Variants in WDR59 observed in about 807,000 individuals in gnomAD.
The protein encoded by WDR59 is WD repeat domain 59.
In WDR59, 100 loss-of-function variants were observed where a neutral mutation model predicts 131.2. The ratio of observed to expected loss-of-function variants is 0.76; its 90% confidence interval spans 0.65 to 0.90. WDR59 has a LOEUF of 0.90. Among genes scored for constraint, WDR59 ranks in the 40% least tolerant of loss-of-function variants. The pLI is 0.00. For synonymous variants in WDR59, 601 were observed against 466.2 expected (o/e 1.29, Z -3.72); for missense variants, 1,203 against 1,262.2 (o/e 0.95, Z 0.71).
chr16:74,922,345 T>C (rs2030327548), intron 9 of WDR59, among the ~76,000 whole-genome samples: 1 of 152,170 alleles, frequency 6.6e-6, no homozygotes, highest in African/African-American at 2.4e-5. Context: ...TGAAGAACTT[T>C]GAAAATTCTA....
intron 2 of WDR59, among the ~76,000 whole-genome samples, chr16:74,958,591 T>TAAAAAAAAAAAAAA (rs2033407316): frequency 9.3e-4 from 1 of 1,078 alleles, no homozygotes; most frequent in African/African-American, 1.5e-3. Flanking sequence ...AGACTCCATC[T>TAAAAAAAAAAAAAA]CAAAAAAAAA....
At chr16:74,973,865 G>A (rs570324580) in intron 1 of WDR59, among the ~76,000 whole-genome samples, 4 of 151,808 alleles carry the variant, frequency 2.6e-5, no homozygotes, top group Admixed American at 1.3e-4. Flanking sequence ...GTGATACCCT[G>A]TCTCTACTAA....
chr16:74,898,679 G>A (rs1324060350), intron 18 of WDR59, among the ~76,000 whole-genome samples: 1 of 152,126 alleles, frequency 6.6e-6, no homozygotes, highest in Non-Finnish European at 1.5e-5. Context: ...CCAATAAATG[G>A]GTTGAATGTA....
At chr16:74,966,754 C>T (rs1251407649) in intron 1 of WDR59, among the ~76,000 whole-genome samples, 2 of 152,318 alleles carry the variant, frequency 1.3e-5, no homozygotes, top group East Asian at 3.9e-4. Flanking sequence ...CCCCAGGTCA[C>T]ATTCGCTCTG....
intron 10 of WDR59, among the ~76,000 whole-genome samples, chr16:74,919,491 C>T (rs566096817): frequency 7.3e-6 from 1 of 137,734 alleles, no homozygotes; most frequent in East Asian, 2.1e-4. Flanking sequence ...TGCCACCACA[C>T]CTGGCTAATT....
chr16:74,915,918 C>T lies in WDR59; in HGVS notation c.1176G>A (p.Gln392=), dbSNP rs773071843. The change falls in exon 13 of 26, where the codon CAG becomes CAA. Residue 392 remains glutamine, a synonymous_variant. Coordinates refer to ENST00000262144, the MANE Select transcript of WDR59 (RefSeq NM_030581.4). ...SDQLGLPQTL[Q]QEFSLINVQI... is the part of the protein sequence containing the mutation. ...GCACATTGATCAGGGAGAATTCCTG[C>T]TGCAAGGTCTGAGGCAGCCCCAGTT... The T allele has an allele frequency of 1.9e-6, 3 of 1,614,240 alleles. No individual in the cohort carries two copies. The East Asian group carries it at 6.7e-5, about 36-fold the overall frequency.
At chr16:74,978,737 G>C (rs2034286692) in intron 1 of WDR59, among the ~76,000 whole-genome samples, 2 of 151,886 alleles carry the variant, frequency 1.3e-5, no homozygotes, top group Admixed American at 1.3e-4. Context: ...AATTATACCT[G>C]CATAAACCTG....
intron 7 of WDR59, among the ~76,000 whole-genome samples, chr16:74,938,605 C>G (rs1239707780): frequency 6.6e-6 from 1 of 152,140 alleles, no homozygotes; most frequent in Non-Finnish European, 1.5e-5. Flanking sequence ...GGCACGATCA[C>G]AGCTCACTGC....
intron 6 of WDR59, among the ~76,000 whole-genome samples, chr16:74,947,730 A>G (rs767995096): frequency 6.6e-6 from 1 of 152,146 alleles, no homozygotes; most frequent in Non-Finnish European, 1.5e-5. Context: ...TGCAAAACAT[A>G]CACTGAAATA....
At chr16:74,913,894 C>T (rs982882466) in intron 13 of WDR59, among the ~76,000 whole-genome samples, 5 of 152,076 alleles carry the variant, frequency 3.3e-5, no homozygotes, top group African/African-American at 1.2e-4. Flanking sequence ...CCCACAACAG[C>T]CAGATTATAT....
intron 8 of WDR59, among the ~76,000 whole-genome samples, chr16:74,934,914 G>C (rs568125250): frequency 6.6e-6 from 1 of 152,134 alleles, no homozygotes; most frequent in East Asian, 1.9e-4. Flanking sequence ...CAGACTCAAA[G>C]CTACATGTTT....
chr16:74,873,280 A>T lies in WDR59; in HGVS notation c.*929T>A, dbSNP rs1340877641. 6.6e-6 allele frequency: 1 copy of T among 152,214 alleles called. No individual in the cohort carries two copies. The highest frequency in any genetic ancestry group is 2.4e-5 in the African/African-American group (1 of 41,420). The allele number at this position is 152,214 out of a possible 1,614,324, so 9.4% of individuals were successfully genotyped here. A position where few individuals can be genotyped will look rare whatever the true frequency, so the allele number is the denominator to read the frequency against. Reference sequence around the variant, plus strand: ...AGGCTGGTCTCGAACTCCTGAGCTCAGGTGATCCCCTCACTTTTGCCTTCT... The same window carrying T: ...AGGCTGGTCTCGAACTCCTGAGCTCTGGTGATCCCCTCACTTTTGCCTTCT... On this transcript the variant is annotated 3_prime_UTR_variant, in exon 26 of 26. Coordinates refer to ENST00000262144, the MANE Select transcript of WDR59 (RefSeq NM_030581.4).
intron 25 of WDR59, among the ~76,000 whole-genome samples, chr16:74,875,605 G>A (rs1964176711): frequency 6.6e-6 from 1 of 152,104 alleles, no homozygotes; most frequent in African/African-American, 2.4e-5. Context: ...TCAGGTCTTT[G>A]CCCTCATCCC....
intron 13 of WDR59, among the ~76,000 whole-genome samples, 197 bp from the exon 14 acceptor site, chr16:74,912,559 C>T (rs994716838): frequency 6.6e-6 from 1 of 152,142 alleles, no homozygotes; most frequent in African/African-American, 2.4e-5. Flanking sequence ...AATTTTCAAA[C>T]CAATGGAATA....
At chr16:74,877,154 G>T (rs186434129) in intron 25 of WDR59, among the ~76,000 whole-genome samples, 1 of 152,054 alleles carries the variant, frequency 6.6e-6, no homozygotes, top group Non-Finnish European at 1.5e-5. Flanking sequence ...CGCGGTGAGG[G>T]TATTGTCTTA....
intron 17 of WDR59, 45 bp from the exon 18 acceptor site, chr16:74,904,145 C>T (rs369487650): frequency 1.1e-4 from 180 of 1,585,578 alleles, no homozygotes; most frequent in Non-Finnish European, 1.5e-4. Flanking sequence ...GCAGTCCTGT[C>T]ATATTTCCAA....
intron 17 of WDR59, among the ~76,000 whole-genome samples, chr16:74,905,488 T>A (rs1965760336): frequency 6.6e-6 from 1 of 151,192 alleles, no homozygotes; most frequent in Non-Finnish European, 1.5e-5. Context: ...GAGACCATCC[T>A]GGCTAACATG....
intron 8 of WDR59, among the ~76,000 whole-genome samples, chr16:74,937,362 G>A (rs533256876): frequency 1.7e-3 from 252 of 152,300 alleles, no homozygotes; most frequent in Non-Finnish European, 3.0e-3. Flanking sequence ...TTCTACATAC[G>A]ATAAGCATGT....
intron 8 of WDR59, among the ~76,000 whole-genome samples, chr16:74,933,182 T>A (rs2031536981): frequency 1.3e-5 from 2 of 152,262 alleles, no homozygotes; most frequent in South Asian, 4.1e-4. Context: ...ACACCTGTAG[T>A]CCTAGCAACT....
Sources: gnomAD v4.1 joint callset for allele counts (sites outside exome capture counted in the v4.1 genomes callset) on GRCh38, gnomAD v4.1.1 for gene constraint, MANE v1.5 for transcripts, NCBI Gene and HGNC (gene_info 2026-07-23, HGNC 2026-07-21) for gene names.